BCAS3: variants seen among roughly 807,000 people sequenced by gnomAD.
The protein encoded by BCAS3 is BCAS3 microtubule associated cell migration factor.
Under a neutral mutation model 116.1 loss-of-function variants are expected in BCAS3, and 53 were observed. The ratio of observed to expected loss-of-function variants is 0.46; its 90% CI spans 0.37 to 0.57. BCAS3 has a LOEUF of 0.57. Ranked by LOEUF, BCAS3 falls within the 20% of genes least tolerant of loss-of-function variation. The pLI is 0.00. For missense variants in BCAS3, 917 were observed against 1,165.4 expected, an observed-to-expected ratio of 0.79 and a Z score of 3.10; for synonymous variants, 391 against 408.2, an observed-to-expected ratio of 0.96 and a Z score of 0.51.
In BCAS3 at chr17:61,324,229, G is replaced by C. The variant is rs1021302106; in HGVS notation, c.2426-44098G>C. On this transcript the variant is annotated intron_variant, in intron 22 of 23. Transcript: ENST00000407086. This position sits in a 1 kb window ranked among gnomAD's most constrained non-coding sequence, Gnocchi z 4.6. ...AAGCACTCGAGAAATGTTTCAATCAGTGAGTGAATTAGAGGCGGGAGAGAC... is the reference window on the plus strand; with the variant it reads ...AAGCACTCGAGAAATGTTTCAATCACTGAGTGAATTAGAGGCGGGAGAGAC... Among the ~76,000 whole-genome samples, 1 of 152,188 alleles carries C rather than the reference G, an allele frequency of 6.6e-6. No individual in the cohort carries two copies. The highest frequency in any genetic ancestry group is 1.5e-5 in the Non-Finnish European group (1 of 68,024).
At position 61,343,745 on chromosome 17, in the gene BCAS3, G is replaced by A. The variant is rs1010286760; in HGVS notation, c.2426-24582G>A. On this transcript the variant is annotated intron_variant, in intron 22 of 23. Transcript: ENST00000407086. This position sits in a 1 kb window ranked among gnomAD's most constrained non-coding sequence, Gnocchi z 5.5. The stretch of plus-strand genomic sequence containing the variant: ...CTCCAGGAACTTGTGATTATCCTCT[G>A]TCTAAGTCAAAAGCAGCTTAATTCC... 1.3e-5 allele frequency among the ~76,000 whole-genome samples: 2 copies of A among 152,210 alleles called. No homozygotes were observed. Among genetic ancestry groups the A allele is most frequent in the Non-Finnish European group, 2.9e-5 (2 of 68,038 alleles).
Position 61,217,040 on chromosome 17 carries a change from G to GGGAGGCTGAGGTGGGTGGATCACCCAC in BCAS3, c.2425+132499_2425+132500insCCACGGAGGCTGAGGTGGGTGGATCAC, listed in dbSNP as rs2081839425. On this transcript the variant is annotated intron_variant, in intron 22 of 23. Transcript: ENST00000407086. The surrounding 1 kb of genome is among the most constrained non-coding windows in gnomAD (Gnocchi z 5.2). ...CTGACACCTGTAATCCCAGCACTTT[G>GGGAGGCTGAGGTGGGTGGATCACCCAC]GGAGGCTGAGGTGGGTGGATCACGA... Among the ~76,000 whole-genome samples the GGGAGGCTGAGGTGGGTGGATCACCCAC allele has an allele frequency of 6.6e-6, 1 of 151,756 alleles. No individual in the cohort carries two copies. Among genetic ancestry groups the GGGAGGCTGAGGTGGGTGGATCACCCAC allele is most frequent in the Non-Finnish European group, 1.5e-5 (1 of 67,934 alleles).
chr17:61,131,116 C>T lies in BCAS3; in HGVS notation c.2425+46552C>T, dbSNP rs1168141934. Among the ~76,000 whole-genome samples the T allele has an allele frequency of 6.6e-6, 1 of 152,074 alleles. No homozygotes were observed. Among genetic ancestry groups the T allele is most frequent in the East Asian group, 1.9e-4 (1 of 5,198 alleles). Reference sequence around the variant, plus strand: ...GTTCTAGAGTAAACTCTGCCACTACCTAGCTAGGTTGACCTTTAACAAGTC... The same window carrying T: ...GTTCTAGAGTAAACTCTGCCACTACTTAGCTAGGTTGACCTTTAACAAGTC... On this transcript the variant is annotated intron_variant, in intron 22 of 23. Coordinates refer to ENST00000407086, the MANE Select transcript of BCAS3 (RefSeq NM_017679.5). The surrounding 1 kb of genome is among the most constrained non-coding windows in gnomAD (Gnocchi z 4.4).
At chr17:60,952,546 CTG>C (rs2060902446) in intron 14 of BCAS3, among the ~76,000 whole-genome samples, 1 of 152,094 alleles carries the variant, frequency 6.6e-6, no homozygotes, top group African/African-American at 2.4e-5. Context: ...CCTCAAACTC[CTG>C]ACCTCAGGTG....
Position 61,087,836 on chromosome 17 carries a change from G to A in BCAS3, c.2425+3272G>A, listed in dbSNP as rs941487936. Among the ~76,000 whole-genome samples the A allele has an allele frequency of 6.6e-6, 1 of 152,082 alleles. No individual in the cohort carries two copies. The highest frequency in any genetic ancestry group is 6.5e-5 in the Admixed American group (1 of 15,270). ...TTCAGCAGTTCTATAACTGCTTGAT[G>A]AGTAGATGTTATTCCCATAACATCT... On this transcript the variant is annotated intron_variant, in intron 22 of 23. Transcript: ENST00000407086. The surrounding 1 kb of genome is among the most constrained non-coding windows in gnomAD (Gnocchi z 4.6).
intron 7 of BCAS3, among the ~76,000 whole-genome samples, chr17:60,831,323 C>T (rs774095050): frequency 1.6e-4 from 25 of 151,988 alleles, no homozygotes; most frequent in Admixed American, 9.8e-4. Flanking sequence ...ACTACAGGCG[C>T]GTGCCACCAC....
At chr17:60,886,799 G>C (rs989378819) in intron 9 of BCAS3, among the ~76,000 whole-genome samples, 64 of 152,098 alleles carry the variant, frequency 4.2e-4, no homozygotes, top group Middle Eastern at 3.4e-3. Flanking sequence ...GCAGTCTGCC[G>C]GTTCTCAGAT....
intron 22 of BCAS3, among the ~76,000 whole-genome samples, chr17:61,110,801 A>G (rs1250095474): frequency 7.9e-5 from 12 of 152,250 alleles, no homozygotes; most frequent in African/African-American, 2.9e-4. Context: ...GGCACAGACA[A>G]ACAAAAAGAC....
At position 60,995,724 on chromosome 17, in the gene BCAS3, AC is replaced by A. The variant is rs1317375325; in HGVS notation, c.1486+5490del. On this transcript the variant is annotated intron_variant, in intron 15 of 23. Coordinates refer to ENST00000407086, the MANE Select transcript of BCAS3 (RefSeq NM_017679.5). This position sits in a 1 kb window ranked among gnomAD's most constrained non-coding sequence, Gnocchi z 4.7. ...TTATTCATAGTAACAACTTAAAAAA[AC>A]ATCTCCAAGGTGTAGTCATTTGATC... Among the ~76,000 whole-genome samples the A allele has an allele frequency of 1.3e-5, 2 of 152,214 alleles. No homozygotes were observed. The highest frequency in any genetic ancestry group is 2.4e-5 in the African/African-American group (1 of 41,454).
intron 22 of BCAS3, among the ~76,000 whole-genome samples, chr17:61,301,405 G>GGGT (rs1174555773): frequency 6.6e-6 from 1 of 152,134 alleles, no homozygotes; most frequent in Non-Finnish European, 1.5e-5. Context: ...AGGCCGAGGC[G>GGGT]GGTGGATCAC....
intron 13 of BCAS3, among the ~76,000 whole-genome samples, chr17:60,931,189 C>G (rs1007040796): frequency 3.3e-5 from 5 of 152,004 alleles, no homozygotes; most frequent in African/African-American, 1.2e-4. Flanking sequence ...TGGGCAGATT[C>G]AATATGGGCA....
intron 19 of BCAS3, among the ~76,000 whole-genome samples, chr17:61,050,035 C>T (rs557481161): frequency 6.6e-6 from 1 of 152,082 alleles, no homozygotes; most frequent in African/African-American, 2.4e-5. Context: ...GCCCAGCCAG[C>T]AGATATCTTT....
intron 12 of BCAS3, among the ~76,000 whole-genome samples, chr17:60,921,559 G>A (rs911699851): frequency 1.4e-5 from 2 of 144,374 alleles, no homozygotes; most frequent in Non-Finnish European, 3.0e-5. Context: ...CTTGCAGTGA[G>A]CCGAGATCCC....
Position 61,388,741 on chromosome 17 carries a change from C to T in BCAS3, c.2594-3236C>T, listed in dbSNP as rs770061097. On this transcript the variant is annotated intron_variant, in intron 23 of 23. Transcript: ENST00000407086. The surrounding 1 kb of genome is among the most constrained non-coding windows in gnomAD (Gnocchi z 6.5). ...CACACGTTTCCATTTGCCGCTTGCTCGTAGGGCTGGGCGGCCGGGATGACT... is the reference window on the plus strand; with the variant it reads ...CACACGTTTCCATTTGCCGCTTGCTTGTAGGGCTGGGCGGCCGGGATGACT... The T allele has an allele frequency of 3.3e-6, 5 of 1,531,082 alleles. No individual in the cohort carries two copies. Among genetic ancestry groups the T allele is most frequent in the Non-Finnish European group, 4.4e-6 (5 of 1,143,630 alleles). The allele number at this position is 1,531,082 out of a possible 1,614,324, so 94.8% of individuals were successfully genotyped here.
At position 61,339,366 on chromosome 17, in the gene BCAS3, G is replaced by T. The variant is rs2056972090; in HGVS notation, c.2426-28961G>T. On this transcript the variant is annotated intron_variant, in intron 22 of 23. Transcript: ENST00000407086. The surrounding 1 kb of genome is among the most constrained non-coding windows in gnomAD (Gnocchi z 4.4). ...CAGGGGATAAGGATACAATGGGAAG[G>T]CCCATGAAGCCGCCTAAAGGAGCTC... Among the ~76,000 whole-genome samples the T allele has an allele frequency of 6.6e-6, 1 of 152,218 alleles. No homozygotes were observed. Among genetic ancestry groups the T allele is most frequent in the Non-Finnish European group, 1.5e-5 (1 of 68,046 alleles).
rs2074663626 is a variant in BCAS3, at chr17:61,106,534, T to C, written c.2425+21970T>C. ...ATGTTTGCACAGTGATGAAATCACC[T>C]AATAACACACTTTCTCAGAACACAT... On this transcript the variant is annotated intron_variant, in intron 22 of 23. Transcript: ENST00000407086. The surrounding 1 kb of genome is among the most constrained non-coding windows in gnomAD (Gnocchi z 4.2). Among the ~76,000 whole-genome samples the C allele has an allele frequency of 6.6e-6, 1 of 152,244 alleles. No individual in the cohort carries two copies. The highest frequency in any genetic ancestry group is 2.1e-4 in the South Asian group (1 of 4,834).
chr17:60,991,909 T>C (rs2063547977), intron 15 of BCAS3, among the ~76,000 whole-genome samples: 2 of 152,172 alleles, frequency 1.3e-5, no homozygotes, highest in Non-Finnish European at 2.9e-5. Flanking sequence ...AGTATAATGT[T>C]TTTGAAGTTC....
At chr17:61,370,801 C>G (rs1033666873) in intron 23 of BCAS3, among the ~76,000 whole-genome samples, 2 of 152,246 alleles carry the variant, frequency 1.3e-5, no homozygotes, top group Non-Finnish European at 2.9e-5. Flanking sequence ...AAGCATCAGC[C>G]TGGTAGTGCA....
In BCAS3 at chr17:60,679,670, AT is replaced by A; in HGVS notation, c.83+131del. 11 of 730,236 alleles carry A rather than the reference AT, an allele frequency of 1.5e-5. No homozygotes were observed. In the South Asian group the frequency reaches 2.0e-4, roughly 13 times the overall value. 45.2% of individuals were successfully genotyped at this position (730,236 alleles called of 1,614,324 possible). ...AACTGTTGGCTTTATGGGATGAATA[AT>A]AATAATTGCCAAGACCAAATGAAGA... On this transcript the variant is annotated intron_variant, in intron 2 of 23. Coordinates refer to ENST00000407086, the MANE Select transcript of BCAS3 (RefSeq NM_017679.5).
Sources: gnomAD v4.1 joint callset for allele counts (sites outside exome capture counted in the v4.1 genomes callset) on GRCh38, gnomAD v4.1.1 for gene constraint, Gnocchi (gnomAD v3.1) non-coding constraint, MANE v1.5 for transcripts, NCBI Gene and HGNC (gene_info 2026-07-23, HGNC 2026-07-21) for gene names.